Variants in ERBB4 observed in about 807,000 individuals in gnomAD.
The protein encoded by ERBB4 is receptor tyrosine-protein kinase erbB-4.
ERBB4 carries 42 observed loss-of-function variants against 158.0 expected under a neutral mutation model. The ratio of observed to expected loss-of-function variants is 0.27; its 90% CI spans 0.21 to 0.34. ERBB4 has a LOEUF of 0.34. Ranked by LOEUF, ERBB4 falls within the 10% of genes least tolerant of loss-of-function variation. ERBB4 has a pLI of 1.00. For missense variants in ERBB4, 1,333 were observed against 1,624.1 expected, an observed-to-expected ratio of 0.82 and a Z score of 3.08; for synonymous variants, 583 against 558.7, an observed-to-expected ratio of 1.04 and a Z score of -0.61.
chr2:211,893,158 T>G (rs1353456446), intron 3 of ERBB4, among the ~76,000 whole-genome samples: 1 of 145,588 alleles, frequency 6.9e-6, no homozygotes, highest in Non-Finnish European at 1.5e-5. Flanking sequence ...GACTTCAAAC[T>G]ATACTACAAG....
At chr2:212,079,562 A>G (rs984008131) in intron 2 of ERBB4, among the ~76,000 whole-genome samples, 3 of 149,338 alleles carry the variant, frequency 2.0e-5, no homozygotes, top group Non-Finnish European at 2.9e-5. Context: ...AACTTAATAT[A>G]AGGGTTATTG....
At chr2:211,524,729 C>T (rs996597063) in intron 20 of ERBB4, among the ~76,000 whole-genome samples, 1 of 150,754 alleles carries the variant, frequency 6.6e-6, no homozygotes, top group African/African-American at 2.5e-5. Context: ...AAGCGCCAGG[C>T]GCAGCCCAGA....
rs759364591 is a variant in ERBB4 at position 211,383,889 on chromosome 2, T to C, written c.3653A>G (p.Lys1218Arg). ...TATGTTGTTCTTCAGGTACTCAGCT[T>C]TTCCCAAGGTGTTGGCAAAGGTGTT... ...YLNTFANTLG[K>R]AEYLKNNILS... The change falls in exon 28 of 28, where the codon AAA becomes AGA. Residue 1218 changes from lysine (K) to arginine (R), a missense_variant. This residue lies in a region of ERBB4 where 252 missense variants were observed against 241.3 expected (regional missense o/e 1.04). Coordinates refer to ENST00000342788, the MANE Select transcript of ERBB4 (RefSeq NM_005235.3). 1.7e-5 allele frequency: 27 copies of C among 1,613,986 alleles called. No homozygotes were observed. The highest frequency in any genetic ancestry group is 2.3e-5 in the Non-Finnish European group (27 of 1,180,026).
chr2:211,850,421 A>G lies in ERBB4; in HGVS notation c.422-62262T>C, dbSNP rs56725016. Among the ~76,000 whole-genome samples, 586 of 151,936 alleles carry G rather than the reference A, an allele frequency of 3.9e-3. 5 individuals are homozygous for G. The highest frequency in any genetic ancestry group is 0.013 in the African/African-American group (535 of 41,484). On this transcript the variant is annotated intron_variant, in intron 3 of 27. Transcript: ENST00000342788. ...CAACTTGTGTTGAATATATATATGT[A>G]TACATATATAGGGTTTACTCTCTCA... is the stretch of plus-strand genomic sequence containing the variant.
At chr2:212,408,338 G>T (rs1397387688) in intron 1 of ERBB4, among the ~76,000 whole-genome samples, 1 of 151,958 alleles carries the variant, frequency 6.6e-6, no homozygotes, top group East Asian at 1.9e-4. Flanking sequence ...GAGAACATGC[G>T]GTGTTTGGTT....
At chr2:212,499,079 C>T (rs970810279) in intron 1 of ERBB4, among the ~76,000 whole-genome samples, 5 of 151,814 alleles carry the variant, frequency 3.3e-5, no homozygotes, top group Non-Finnish European at 7.4e-5. Context: ...ATGAAAATTC[C>T]TTTCCTGAAT....
intron 3 of ERBB4, among the ~76,000 whole-genome samples, chr2:211,917,113 G>A (rs528012470): frequency 2.6e-5 from 4 of 152,118 alleles, no homozygotes; most frequent in South Asian, 2.1e-4. Flanking sequence ...AATATTCTAC[G>A]GGGAACAGGT....
chr2:211,664,743 A>G (rs966829670), intron 15 of ERBB4, among the ~76,000 whole-genome samples: 1 of 152,236 alleles, frequency 6.6e-6, no homozygotes, highest in Non-Finnish European at 1.5e-5. Context: ...ATATCAGTCA[A>G]AGAAATTCAA....
rs144138372 is a variant in ERBB4, at chr2:212,353,381, T to C, written c.82+185068A>G. Among the ~76,000 whole-genome samples the C allele has an allele frequency of 4.4e-3, 663 of 149,596 alleles. 10 individuals carry two copies. The highest frequency in any genetic ancestry group is 0.015 in the African/African-American group (620 of 41,084). On this transcript the variant is annotated intron_variant, in intron 1 of 27. Transcript: ENST00000342788. The stretch of plus-strand genomic sequence containing the variant: ...CAAATGTACGTATTATACATATATG[T>C]GCTGTATATAATACATACAAATAAA...
chr2:212,340,973 T>C (rs1399236783), intron 1 of ERBB4, among the ~76,000 whole-genome samples: 1 of 152,176 alleles, frequency 6.6e-6, no homozygotes, highest in Non-Finnish European at 1.5e-5. Flanking sequence ...TCTTAAAAGG[T>C]ATATGTAGGG....
intron 2 of ERBB4, among the ~76,000 whole-genome samples, chr2:211,981,168 G>A (rs2081784659): frequency 6.6e-6 from 1 of 152,122 alleles, no homozygotes; most frequent in African/African-American, 2.4e-5. Context: ...AAGTGAGAGA[G>A]GACGCTGTTG....
chr2:211,988,772 A>G (rs1487188365), intron 2 of ERBB4, among the ~76,000 whole-genome samples: 1 of 151,992 alleles, frequency 6.6e-6, no homozygotes, highest in Admixed American at 6.6e-5. Context: ...AAATGTAACT[A>G]TTAAAGCTAC....
chr2:211,926,642 C>T (rs1394272351), intron 3 of ERBB4, among the ~76,000 whole-genome samples: 2 of 152,116 alleles, frequency 1.3e-5, no homozygotes, highest in Non-Finnish European at 1.5e-5. Flanking sequence ...ACTGAACTCA[C>T]CAAACCCCTA....
intron 27 of ERBB4, among the ~76,000 whole-genome samples, chr2:211,384,625 A>G (rs1423996372): frequency 6.6e-6 from 1 of 152,140 alleles, no homozygotes; most frequent in East Asian, 1.9e-4. Context: ...TGGAAAAGAA[A>G]GCATCAAAGG....
intron 1 of ERBB4, among the ~76,000 whole-genome samples, chr2:212,215,741 T>G (rs1456089609): frequency 6.6e-6 from 1 of 151,464 alleles, no homozygotes; most frequent in Non-Finnish European, 1.5e-5. Context: ...AGCAATTTGA[T>G]GCAAGTATAG....
chr2:211,624,715 G>A (rs1427889269), intron 17 of ERBB4, among the ~76,000 whole-genome samples: 2 of 152,132 alleles, frequency 1.3e-5, no homozygotes, highest in African/African-American at 2.4e-5. Flanking sequence ...GGGGAGTGAG[G>A]CTCACTAGTT....
chr2:212,147,564 C>A (rs573642406), intron 1 of ERBB4, among the ~76,000 whole-genome samples: 1 of 152,022 alleles, frequency 6.6e-6, no homozygotes. Context: ...ATGAAGCACT[C>A]ACAAACTACT....
At chr2:211,486,341 C>T (rs2065204118) in intron 20 of ERBB4, among the ~76,000 whole-genome samples, 1 of 152,002 alleles carries the variant, frequency 6.6e-6, no homozygotes, top group Non-Finnish European at 1.5e-5. Flanking sequence ...TTTTTGTCCT[C>T]AATAGTGTAG....
chr2:211,817,979 C>T (rs564265540), intron 3 of ERBB4, among the ~76,000 whole-genome samples: 8 of 152,194 alleles, frequency 5.3e-5, no homozygotes, highest in African/African-American at 1.7e-4. Context: ...GAACTCATAT[C>T]TTGTTAAAGT....
Sources: allele counts gnomAD v4.1 joint callset (sites outside exome capture counted in the v4.1 genomes callset), GRCh38; gene constraint gnomAD v4.1.1; regional missense constraint gnomAD v4.1.1; transcripts MANE v1.5; gene names NCBI Gene and HGNC (gene_info 2026-07-23, HGNC 2026-07-21).